CHL1: variants seen among roughly 807,000 people sequenced by gnomAD.
CHL1 encodes neural cell adhesion molecule L1-like protein.
CHL1 carries 96 observed loss-of-function variants against 141.9 expected under a neutral mutation model. The ratio of observed to expected loss-of-function variants is 0.68; its 90% CI spans 0.57 to 0.80. CHL1 has a LOEUF of 0.80. Ranked by LOEUF, CHL1 falls within the 30% of genes least tolerant of loss-of-function variation. The pLI, the probability that CHL1 is intolerant of heterozygous loss-of-function variation, is 0.00. For synonymous variants in CHL1, 613 were observed against 502.2 expected, an observed-to-expected ratio of 1.22 and a Z score of -2.95; for missense variants, 1,820 against 1,457.2, an observed-to-expected ratio of 1.25 and a Z score of -4.05.
chr3:255,499 A>G (rs909860958), intron 2 of CHL1, among the ~76,000 whole-genome samples: 3 of 137,052 alleles, frequency 2.2e-5, no homozygotes, highest in South Asian at 2.6e-4. Flanking sequence ...GTGTCTTTGT[A>G]TGTGTGTGTG....
chr3:393,232 C>CAAAA (rs61149354), intron 23 of CHL1, among the ~76,000 whole-genome samples: 1 of 94,678 alleles, frequency 1.1e-5, no homozygotes, highest in Admixed American at 1.5e-4. Context: ...GACTCCGTCT[C>CAAAA]AAAAAAAAAA....
At chr3:307,297 T>TGTA (rs1699326153) in intron 2 of CHL1, among the ~76,000 whole-genome samples, 2 of 152,220 alleles carry the variant, frequency 1.3e-5, no homozygotes, top group Non-Finnish European at 2.9e-5. Context: ...CATAAGTATG[T>TGTA]GTACACATGC....
intron 23 of CHL1, among the ~76,000 whole-genome samples, chr3:392,432 C>T (rs191108041): frequency 5.9e-5 from 9 of 152,214 alleles, no homozygotes; most frequent in African/African-American, 1.4e-4. Context: ...TCAGAATGGG[C>T]TCTGCCCAGA....
intron 2 of CHL1, among the ~76,000 whole-genome samples, chr3:252,361 G>GATATATATATATATATAT (rs71058760): frequency 9.2e-5 from 5 of 54,290 alleles, no homozygotes; most frequent in East Asian, 1.0e-3. Flanking sequence ...AAAGCATCCA[G>GATATATATATATATATAT]ATATATATAT....
At chr3:349,634 A>T in intron 10 of CHL1, 91 bp downstream of exon 10, 1 of 1,091,634 alleles carries the variant, frequency 9.2e-7, no homozygotes, top group Non-Finnish European at 1.3e-6. Flanking sequence ...TACATGTTAA[A>T]ACAGGTCAGC....
chr3:248,540 T>C (rs1359126637), intron 2 of CHL1: 1 of 152,070 alleles, frequency 6.6e-6, no homozygotes, highest in Non-Finnish European at 1.5e-5. Flanking sequence ...TTTGGACATA[T>C]CCGAGGACTC....
intron 4 of CHL1, 79 bp downstream of exon 4, chr3:326,143 C>A (rs1700992596): frequency 3.8e-6 from 3 of 797,520 alleles, no homozygotes; most frequent in Non-Finnish European, 6.1e-6. Flanking sequence ...CCATCACAAG[C>A]CTGTTGGACT....
In CHL1 at chr3:349,367, C is replaced by G; in HGVS notation, c.857C>G (p.Pro286Arg). 3.1e-6 allele frequency: 5 copies of G among 1,612,442 alleles called. No individual in the cohort carries two copies. Among genetic ancestry groups the G allele is most frequent in the Non-Finnish European group, 4.2e-6 (5 of 1,179,284 alleles). ...LECFAEGLPT[P>R]QVDWNKIGGD... Reference sequence around the variant, plus strand: ...TTAACTATTTTTTGCAGGCCAACTCCACAGGTTGATTGGAACAAAATTGGT... The same window carrying G: ...TTAACTATTTTTTGCAGGCCAACTCGACAGGTTGATTGGAACAAAATTGGT... The change falls in exon 10 of 28, where the codon CCA becomes CGA. Residue 286 changes from proline (P) to arginine (R), a missense_variant. Transcript: ENST00000256509.
intron 1 of CHL1, among the ~76,000 whole-genome samples, chr3:229,094 T>A (rs555649496): frequency 6.6e-6 from 1 of 152,332 alleles, no homozygotes; most frequent in South Asian, 2.1e-4. Flanking sequence ...ACCAGCACAG[T>A]GAACACTGAT....
At chr3:308,771 T>C (rs1054997577) in intron 2 of CHL1, 2 of 155,294 alleles carry the variant, frequency 1.3e-5, no homozygotes, top group Non-Finnish European at 2.9e-5. Flanking sequence ...CCTTGCACTC[T>C]AGCACGTGTA....
At chr3:202,320 G>A (rs1699026238) in intron 1 of CHL1, among the ~76,000 whole-genome samples, 1 of 152,214 alleles carries the variant, frequency 6.6e-6, no homozygotes, top group South Asian at 2.1e-4. Flanking sequence ...GAGCGTATGT[G>A]TGTGTGTATC....
chr3:219,904 T>C (rs1021431095), intron 1 of CHL1, among the ~76,000 whole-genome samples: 1 of 152,164 alleles, frequency 6.6e-6, no homozygotes, highest in African/African-American at 2.4e-5. Context: ...CATACTAAGA[T>C]AGACAACCTC....
intron 18 of CHL1, 160 bp downstream of exon 18, chr3:382,831 A>C: frequency 1.5e-6 from 1 of 648,182 alleles, no homozygotes; most frequent in Non-Finnish European, 2.6e-6. Context: ...AAAGCACACA[A>C]GTTTCAGAAG....
intron 2 of CHL1, among the ~76,000 whole-genome samples, chr3:289,114 A>T (rs528331059): frequency 3.9e-5 from 6 of 152,106 alleles, no homozygotes; most frequent in Non-Finnish European, 8.8e-5. Flanking sequence ...TCTTGGCATC[A>T]CTTACTTTGC....
intron 20 of CHL1, among the ~76,000 whole-genome samples, chr3:390,472 A>G (rs1708129641): frequency 1.3e-5 from 2 of 152,210 alleles, no homozygotes; most frequent in African/African-American, 4.8e-5. Flanking sequence ...TCCACATTGT[A>G]TCTATCTGGA....
chr3:350,662 G>T (rs1021455851), intron 10 of CHL1, among the ~76,000 whole-genome samples: 5 of 151,348 alleles, frequency 3.3e-5, no homozygotes, highest in African/African-American at 1.2e-4. Flanking sequence ...TGTTAACACA[G>T]TTGATTTAGG....
At chr3:336,126 G>A (rs1056658121) in intron 5 of CHL1, among the ~76,000 whole-genome samples, 4 of 152,160 alleles carry the variant, frequency 2.6e-5, no homozygotes, top group African/African-American at 9.7e-5. Context: ...CCAAGCAGCT[G>A]ACTTCAGTGT....
intron 5 of CHL1, among the ~76,000 whole-genome samples, chr3:339,409 C>T (rs1000458348): frequency 8.5e-5 from 13 of 152,112 alleles, no homozygotes; most frequent in Non-Finnish European, 1.6e-4. Flanking sequence ...TTTCATGCTA[C>T]CTATAGCAAA....
chr3:315,427 C>T (rs1700087042), intron 2 of CHL1, among the ~76,000 whole-genome samples: 1 of 152,100 alleles, frequency 6.6e-6, no homozygotes, highest in Non-Finnish European at 1.5e-5. Context: ...TGGACAAAGA[C>T]TTAGCCATCT....
Sources: allele counts gnomAD v4.1 joint callset (sites outside exome capture counted in the v4.1 genomes callset), GRCh38; gene constraint gnomAD v4.1.1; transcripts MANE v1.5; gene names NCBI Gene and HGNC (gene_info 2026-07-23, HGNC 2026-07-21).